Variants in SULF1 observed in about 807,000 individuals in gnomAD.
The protein encoded by SULF1 is extracellular sulfatase Sulf-1.
A neutral mutation model predicts 110.5 loss-of-function variants in SULF1; 46 were observed. That is an observed-to-expected ratio of 0.42 (90% CI 0.33 to 0.53). The LOEUF is 0.53. SULF1 is among the 20% of genes least tolerant of loss of function. The pLI is 0.12. For missense variants in SULF1, 941 were observed against 1,094.2 expected, an observed-to-expected ratio of 0.86 and a Z score of 1.98; for synonymous variants, 371 against 387.1, an observed-to-expected ratio of 0.96 and a Z score of 0.49.
rs145521850 is a variant in SULF1, at chr8:69,585,079, G to A, written c.413-1278G>A. Among the ~76,000 whole-genome samples, 188 of 152,260 alleles carry A rather than the reference G, an allele frequency of 1.2e-3. 1 individual carries two copies. The highest frequency in any genetic ancestry group is 5.2e-3 in the East Asian group (27 of 5,168). On this transcript the variant is annotated intron_variant, in intron 6 of 22. Coordinates refer to ENST00000402687, the MANE Select transcript of SULF1 (RefSeq NM_001128205.2). The stretch of plus-strand genomic sequence containing the variant: ...AGGCATTGGCTTTGACATGGAAGGC[G>A]TCTGGCAACAGCTTTATAACATCAG...
intron 3 of SULF1, among the ~76,000 whole-genome samples, chr8:69,509,327 T>C (rs1811406625): frequency 6.6e-6 from 1 of 152,190 alleles, no homozygotes; most frequent in Non-Finnish European, 1.5e-5. Context: ...TTCAAAAATG[T>C]TCTTGAAAAG....
chr8:69,625,352 T>C (rs1050593154), intron 15 of SULF1, among the ~76,000 whole-genome samples: 1 of 152,256 alleles, frequency 6.6e-6, no homozygotes. Flanking sequence ...CATCCACCCA[T>C]GTGACATTTT....
chr8:69,594,217 A>G (rs1807128118), intron 8 of SULF1, among the ~76,000 whole-genome samples: 2 of 152,034 alleles, frequency 1.3e-5, no homozygotes, highest in Non-Finnish European at 2.9e-5. Flanking sequence ...ACGCTCGGCT[A>G]ATTTTGTATT....
intron 3 of SULF1, among the ~76,000 whole-genome samples, chr8:69,521,131 G>T (rs1812268196): frequency 6.6e-6 from 1 of 152,186 alleles, no homozygotes; most frequent in Non-Finnish European, 1.5e-5. Flanking sequence ...CAACAAAAGG[G>T]TTTTCAAGTA....
chr8:69,617,839 A>C (rs1166830571), intron 13 of SULF1, among the ~76,000 whole-genome samples: 1 of 152,216 alleles, frequency 6.6e-6, no homozygotes, highest in African/African-American at 2.4e-5. Flanking sequence ...GATAGTATTC[A>C]TCCATCCAAC....
intron 2 of SULF1, among the ~76,000 whole-genome samples, chr8:69,499,054 T>TC (rs1218884069): frequency 6.6e-6 from 1 of 152,124 alleles, no homozygotes; most frequent in African/African-American, 2.4e-5. Context: ...AGACAGGGTT[T>TC]CACAATGTTG....
chr8:69,545,679 T>G (rs1814209919), intron 3 of SULF1, among the ~76,000 whole-genome samples: 1 of 152,088 alleles, frequency 6.6e-6, no homozygotes, highest in Non-Finnish European at 1.5e-5. Context: ...TTGTTTTGTT[T>G]TGTTTTTTGG....
chr8:69,640,108 A>C (rs2130680401), intron 21 of SULF1, among the ~76,000 whole-genome samples: 1 of 147,496 alleles, frequency 6.8e-6, no homozygotes, highest in East Asian at 2.0e-4. Flanking sequence ...AGAGAGAGAG[A>C]GAGGAAGGAA....
At position 69,477,507 on chromosome 8, in the gene SULF1, C is replaced by A. The variant is rs73683914; in HGVS notation, c.-391+10557C>A. Reference sequence around the variant, plus strand: ...TTCAGGCAAATCATATTTCTTGTTGCGCAAATAAAATTAAAATGTATATTT... The same window carrying A: ...TTCAGGCAAATCATATTTCTTGTTGAGCAAATAAAATTAAAATGTATATTT... On this transcript the variant is annotated intron_variant, in intron 1 of 22. Coordinates refer to the SULF1 transcript ENST00000260128. Among the ~76,000 whole-genome samples the A allele has an allele frequency of 2.6e-5, 4 of 152,026 alleles. No individual in the cohort carries two copies. The East Asian group carries it at 7.7e-4, about 29-fold the overall frequency.
At chr8:69,576,700 T>A (rs1177943668) in intron 6 of SULF1, among the ~76,000 whole-genome samples, 1 of 152,222 alleles carries the variant, frequency 6.6e-6, no homozygotes, top group African/African-American at 2.4e-5. Flanking sequence ...AGGTTCCTTC[T>A]GGTAATATTA....
intron 5 of SULF1, among the ~76,000 whole-genome samples, chr8:69,569,747 C>G (rs1318354699): frequency 6.6e-6 from 1 of 152,066 alleles, no homozygotes; most frequent in Non-Finnish European, 1.5e-5. Flanking sequence ...GCCTTGTGCT[C>G]TTTTGGAGGG....
chr8:69,631,534 C>T (rs774442060), intron 19 of SULF1, among the ~76,000 whole-genome samples: 38 of 152,292 alleles, frequency 2.5e-4, no homozygotes, highest in South Asian at 1.2e-3. Context: ...CCAGCCTGGG[C>T]GATAGAGTGA....
intron 5 of SULF1, among the ~76,000 whole-genome samples, chr8:69,572,150 A>G (rs1805279077): frequency 6.6e-6 from 1 of 152,222 alleles, no homozygotes. Context: ...GAGAGTGCAG[A>G]AAGAGAGACC....
At position 69,533,753 on chromosome 8, in the gene SULF1, T is replaced by C. The variant is rs939754121; in HGVS notation, c.-133-29786T>C. On this transcript the variant is annotated intron_variant, in intron 3 of 22. Transcript: ENST00000402687. The stretch of plus-strand genomic sequence containing the variant: ...CTATTGTAGATAGAATGATTTATAT[T>C]CCTTTGGGTATATACCCCGTAATGG... Among the ~76,000 whole-genome samples, 24 of 152,306 alleles carry C rather than the reference T, an allele frequency of 1.6e-4. No homozygotes were observed. In the East Asian group the frequency reaches 2.7e-3, roughly 17 times the overall value.
chr8:69,519,343 T>A (rs1812141246), intron 3 of SULF1, among the ~76,000 whole-genome samples: 1 of 152,194 alleles, frequency 6.6e-6, no homozygotes, highest in Non-Finnish European at 1.5e-5. Flanking sequence ...AAAGAATAAT[T>A]GACCATTGTT....
intron 8 of SULF1, among the ~76,000 whole-genome samples, chr8:69,591,726 A>G (rs900310010): frequency 2.6e-5 from 4 of 152,222 alleles, no homozygotes; most frequent in African/African-American, 9.7e-5. Context: ...ATTTAAGGAC[A>G]GATAAACTAA....
At chr8:69,514,048 T>C (rs2725096) in intron 3 of SULF1, among the ~76,000 whole-genome samples, 31,331 of 152,182 alleles carry the variant, frequency 0.21, 3,883 homozygotes, top group East Asian at 0.63. Context: ...GGCCTCCATT[T>C]CTCATCTGTA....
intron 5 of SULF1, among the ~76,000 whole-genome samples, chr8:69,572,307 G>A (rs1038419454): frequency 6.6e-6 from 1 of 152,170 alleles, no homozygotes; most frequent in African/African-American, 2.4e-5. Flanking sequence ...CTGAGGGTCT[G>A]TGTGGCCCTA....
intron 3 of SULF1, among the ~76,000 whole-genome samples, chr8:69,547,773 T>C (rs138074596): frequency 2.0e-3 from 303 of 152,288 alleles, no homozygotes; most frequent in African/African-American, 7.1e-3. Flanking sequence ...CTTTTCTCAT[T>C]ATCTCACTAG....
Sources: allele counts gnomAD v4.1 joint callset (sites outside exome capture counted in the v4.1 genomes callset), GRCh38; gene constraint gnomAD v4.1.1; transcripts MANE v1.5; gene names NCBI Gene and HGNC (gene_info 2026-07-23, HGNC 2026-07-21).